Variants in PCDH11X observed in about 807,000 individuals in gnomAD.
The protein encoded by PCDH11X is protocadherin-11 X-linked.
PCDH11X carries 18 observed loss-of-function variants against 53.3 expected under a neutral mutation model. The ratio of observed to expected loss-of-function variants is 0.34; its 90% CI spans 0.23 to 0.50. PCDH11X has a LOEUF of 0.50. Ranked by LOEUF, PCDH11X falls within the 20% of genes least tolerant of loss-of-function variation. PCDH11X has a pLI of 0.98. For missense variants in PCDH11X, 570 were observed against 1,032.4 expected, an observed-to-expected ratio of 0.55 and a Z score of 6.14; for synonymous variants, 279 against 393.3, an observed-to-expected ratio of 0.71 and a Z score of 3.44.
intron 5 of PCDH11X, among the ~76,000 whole-genome samples, chrX:91,843,302 T>TGC (rs1556273028): frequency 4.9e-5 from 5 of 103,011 alleles, no homozygotes; most frequent in African/African-American, 1.8e-4. Flanking sequence ...TGTGTGTGTG[T>TGC]ATCTTTTTTC....
chrX:92,367,221 G>T (rs2070495371), intron 8 of PCDH11X, among the ~76,000 whole-genome samples: 2 of 111,584 alleles, frequency 1.8e-5, no homozygotes, highest in South Asian at 7.5e-4. Flanking sequence ...TCTTCTTGTT[G>T]CATTGATCCC....
intron 6 of PCDH11X, among the ~76,000 whole-genome samples, chrX:92,042,875 G>C (rs1421371945): frequency 9.2e-6 from 1 of 108,600 alleles, no homozygotes; most frequent in Non-Finnish European, 1.9e-5. Flanking sequence ...TCCTGACCTC[G>C]TCATCCACCC....
Position 92,105,839 on chromosome X carries a change from T to C in PCDH11X, c.3034-95536T>C, listed in dbSNP as rs140401230. ...CATATTCACTTCTTTTGTGATTCTT[T>C]AGTTAGTTCAGGCCATCCGGGCATA... On this transcript the variant is annotated intron_variant, in intron 6 of 10. Transcript: ENST00000682573. 3.2e-4 allele frequency among the ~76,000 whole-genome samples: 36 copies of C among 111,531 alleles called. 1 individual carries two copies. The East Asian group carries it at 9.4e-3, about 29-fold the overall frequency.
chrX:92,132,645 A>ATGTATATG (rs1394956574), intron 6 of PCDH11X, among the ~76,000 whole-genome samples: 2 of 58,166 alleles, frequency 3.4e-5, no homozygotes, highest in South Asian at 6.7e-4. Context: ...GTATATATAT[A>ATGTATATG]TATATATATA....
chrX:92,082,362 T>C (rs1176690930), intron 6 of PCDH11X, among the ~76,000 whole-genome samples: 2 of 108,980 alleles, frequency 1.8e-5, no homozygotes, highest in Non-Finnish European at 3.8e-5. Flanking sequence ...AACTAGTAAA[T>C]TGCTGAAGTA....
chrX:92,088,497 A>G (rs1179426260), intron 6 of PCDH11X, among the ~76,000 whole-genome samples: 1 of 110,290 alleles, frequency 9.1e-6, no homozygotes, highest in Non-Finnish European at 1.9e-5. Flanking sequence ...TCTCATTTTC[A>G]ATAAGTAGGA....
chrX:92,360,551 A>G (rs181753836), intron 8 of PCDH11X, among the ~76,000 whole-genome samples: 1 of 109,958 alleles, frequency 9.1e-6, no homozygotes, highest in Non-Finnish European at 1.9e-5. Flanking sequence ...AATATTGGAG[A>G]TCAGCCAACT....
intron 6 of PCDH11X, among the ~76,000 whole-genome samples, chrX:92,149,298 A>G (rs1390093989): frequency 9.1e-6 from 1 of 109,512 alleles, no homozygotes; most frequent in African/African-American, 3.3e-5. Context: ...AAATGTGCAT[A>G]TTTAGATTGA....
At chrX:91,893,979 TAA>T (rs1158028411) in intron 6 of PCDH11X, among the ~76,000 whole-genome samples, 1 of 111,803 alleles carries the variant, frequency 8.9e-6, no homozygotes, top group Admixed American at 9.5e-5. Flanking sequence ...TACTACGACA[TAA>T]AAAGTCTTTC....
At chrX:91,978,135 T>C (rs2062071366) in intron 6 of PCDH11X, among the ~76,000 whole-genome samples, 1 of 111,522 alleles carries the variant, frequency 9.0e-6, no homozygotes, top group African/African-American at 3.3e-5. Context: ...TCCCAGTCCC[T>C]TCTTTTCCAC....
chrX:91,832,367 A>G (rs1937138972), intron 4 of PCDH11X, among the ~76,000 whole-genome samples: 2 of 109,104 alleles, frequency 1.8e-5, no homozygotes, highest in South Asian at 8.2e-4. Flanking sequence ...GCTGGAAACC[A>G]TCATTCTCAG....
At chrX:91,798,170 C>T (rs1005285274) in intron 1 of PCDH11X, 2 of 110,855 alleles carry the variant, frequency 1.8e-5, no homozygotes, top group Non-Finnish European at 3.8e-5. Context: ...ATCCTCTGTC[C>T]GAGGACAATA....
chrX:92,243,228 A>G (rs1268758081), intron 7 of PCDH11X, among the ~76,000 whole-genome samples: 1 of 111,902 alleles, frequency 8.9e-6, no homozygotes, highest in Non-Finnish European at 1.9e-5. Flanking sequence ...TACACCTTAC[A>G]TTTGAGTTAA....
intron 6 of PCDH11X, among the ~76,000 whole-genome samples, chrX:91,997,683 TA>T (rs2062442647): frequency 9.0e-6 from 1 of 111,676 alleles, no homozygotes; most frequent in African/African-American, 3.3e-5. Flanking sequence ...ATTTTTTTTA[TA>T]ATGTCCTTGT....
At chrX:92,411,926 G>GAA (rs2071665890) in intron 9 of PCDH11X, among the ~76,000 whole-genome samples, 1 of 43,582 alleles carries the variant, frequency 2.3e-5, no homozygotes, top group Non-Finnish European at 3.7e-5. Flanking sequence ...AGGAGGAGTG[G>GAA]GAGGAGGAGG....
intron 9 of PCDH11X, among the ~76,000 whole-genome samples, chrX:92,402,715 C>G (rs1193823543): frequency 9.0e-6 from 1 of 110,902 alleles, no homozygotes; most frequent in Non-Finnish European, 1.9e-5. Flanking sequence ...GACATAGGAA[C>G]TGGCAAAGAT....
At chrX:91,819,647 C>A (rs1335462929) in intron 4 of PCDH11X, among the ~76,000 whole-genome samples, 2 of 105,190 alleles carry the variant, frequency 1.9e-5, no homozygotes, top group Non-Finnish European at 3.9e-5. Flanking sequence ...TTTTTCCTTT[C>A]TTTTTTTTAT....
chrX:91,929,389 A>C (rs1424007630), intron 6 of PCDH11X, among the ~76,000 whole-genome samples: 5 of 110,524 alleles, frequency 4.5e-5, no homozygotes, highest in Non-Finnish European at 9.5e-5. Context: ...GCCCTTGAAC[A>C]TAACACAAGA....
intron 8 of PCDH11X, among the ~76,000 whole-genome samples, chrX:92,290,520 G>A (rs2522579): frequency 4.4e-4 from 50 of 112,542 alleles, no homozygotes; most frequent in African/African-American, 1.6e-3. Flanking sequence ...ACATATCAGC[G>A]TGTTGACTTG....
Sources: gnomAD v4.1 joint callset for allele counts (sites outside exome capture counted in the v4.1 genomes callset) on GRCh38, gnomAD v4.1.1 for gene constraint, MANE v1.5 for transcripts, NCBI Gene and HGNC (gene_info 2026-07-23, HGNC 2026-07-21) for gene names.